SETD2: variants seen among roughly 807,000 people sequenced by gnomAD.
SETD2 encodes histone-lysine N-methyltransferase SETD2.
SETD2 carries 31 observed loss-of-function variants against 242.1 expected under a neutral mutation model. The observed-to-expected ratio is 0.13, with a 90% confidence interval of 0.10 to 0.17. The LOEUF (loss-of-function observed/expected upper bound fraction) is 0.17. SETD2 is among the 10% of genes least tolerant of loss of function. The pLI, the probability that SETD2 is intolerant of heterozygous loss-of-function variation, is 1.00. For missense variants in SETD2, 2,481 were observed against 3,046.3 expected, an observed-to-expected ratio of 0.81 and a Z score of 4.37; for synonymous variants, 1,006 against 1,066.5, an observed-to-expected ratio of 0.94 and a Z score of 1.11.
chr3:47,029,765 C>T (rs561467161), intron 18 of SETD2, among the ~76,000 whole-genome samples: 10 of 152,182 alleles, frequency 6.6e-5, no homozygotes, highest in Non-Finnish European at 5.9e-5. Context: ...AGTTAGTTTG[C>T]TTAACTGCCA....
At chr3:47,151,732 CAGG>C (rs1192156909) in intron 1 of SETD2, among the ~76,000 whole-genome samples, 2 of 149,886 alleles carry the variant, frequency 1.3e-5, no homozygotes, top group African/African-American at 2.5e-5. Flanking sequence ...GAGGCTGAGG[CAGG>C]AGAATTACTT....
chr3:47,140,001 T>C (rs1157986571), intron 1 of SETD2, among the ~76,000 whole-genome samples: 2 of 152,170 alleles, frequency 1.3e-5, no homozygotes, highest in African/African-American at 2.4e-5. Flanking sequence ...AATAACTTGA[T>C]CATACTCACC....
chr3:47,099,696 A>G (rs1268751956), intron 8 of SETD2, among the ~76,000 whole-genome samples: 1 of 151,972 alleles, frequency 6.6e-6, no homozygotes, highest in Non-Finnish European at 1.5e-5. Flanking sequence ...TGCAGCCTCA[A>G]TGTCCTAGGC....
chr3:47,065,978 C>T (rs572973205), intron 13 of SETD2, among the ~76,000 whole-genome samples: 58 of 152,258 alleles, frequency 3.8e-4, no homozygotes, highest in African/African-American at 1.3e-3. Flanking sequence ...TAAATACAGT[C>T]AACCCTTGAA....
chr3:47,119,131 A>C (rs938737274), intron 3 of SETD2, among the ~76,000 whole-genome samples: 1 of 152,172 alleles, frequency 6.6e-6, no homozygotes, highest in Non-Finnish European at 1.5e-5. Flanking sequence ...AAAACTTCCA[A>C]AAAAGGAGAG....
At chr3:47,069,343 C>T (rs1350612754) in intron 12 of SETD2, among the ~76,000 whole-genome samples, 2 of 152,174 alleles carry the variant, frequency 1.3e-5, no homozygotes, top group African/African-American at 4.8e-5. Context: ...CATCCTCCAT[C>T]CCCTTAACCT....
rs527826724 is a variant in SETD2, at chr3:47,038,390, G to T, written c.7239-613C>A. Among the ~76,000 whole-genome samples, 74 of 152,254 alleles carry T rather than the reference G, an allele frequency of 4.9e-4. 1 individual carries two copies. The highest frequency in any genetic ancestry group is 2.3e-3 in the South Asian group (11 of 4,826). On this transcript the variant is annotated intron_variant, in intron 17 of 20. Transcript: ENST00000409792. ...GCACTTTGGGAGGCTGAGGCAGGTG[G>T]ATCACCTGAGGTCAGGAGTTCGAGA... is the stretch of plus-strand genomic sequence containing the variant.
At chr3:47,034,668 AAAAAC>A (rs1186404414) in intron 18 of SETD2, among the ~76,000 whole-genome samples, 1 of 152,194 alleles carries the variant, frequency 6.6e-6, no homozygotes, top group Non-Finnish European at 1.5e-5. Context: ...CCCTGCCTCT[AAAAAC>A]AAAGCAAAGC....
chr3:47,088,285 C>T (rs766392820), intron 9 of SETD2, 38 bp from the exon 10 acceptor site: 7 of 1,548,902 alleles, frequency 4.5e-6, no homozygotes, highest in Non-Finnish European at 4.3e-6. Flanking sequence ...TATAAAACAA[C>T]AACAACAAAA....
In SETD2 at chr3:47,086,178, G is replaced by A. The variant is rs747737801; in HGVS notation, c.5397+17C>T. On this transcript the variant is annotated intron_variant, in intron 11 of 20. Transcript: ENST00000409792. ...TATAACAGTTTTAAGAAACAAGCAA[G>A]CTAAATGTGAACTGACCTCTTCCTG... 6 of 1,610,862 alleles carry A rather than the reference G, an allele frequency of 3.7e-6. No individual in the cohort carries two copies. In the East Asian group the frequency reaches 1.3e-4, roughly 36 times the overall value.
intron 17 of SETD2, among the ~76,000 whole-genome samples, chr3:47,039,531 G>A (rs947693560): frequency 2.7e-5 from 4 of 150,704 alleles, no homozygotes; most frequent in African/African-American, 9.7e-5. Context: ...TTTTATTTTT[G>A]GAAGATTGAT....
chr3:47,090,155 G>A (rs2041736328), intron 9 of SETD2, among the ~76,000 whole-genome samples: 1 of 152,060 alleles, frequency 6.6e-6, no homozygotes, highest in South Asian at 2.1e-4. Context: ...GCTGAGGCAG[G>A]AGAATAGCTT....
intron 4 of SETD2, among the ~76,000 whole-genome samples, chr3:47,114,812 G>A (rs2042791936): frequency 6.7e-6 from 1 of 148,738 alleles, no homozygotes; most frequent in South Asian, 2.2e-4. Flanking sequence ...CCAGGAGGCA[G>A]AGGTTGTAGT....
intron 8 of SETD2, chr3:47,098,450 TAGAACAAACAA>T (rs2042088754): frequency 6.0e-6 from 1 of 167,690 alleles, no homozygotes; most frequent in Non-Finnish European, 1.3e-5. Context: ...AATTGGCACA[TAGAACAAACAA>T]ACATGCATTA....
intron 9 of SETD2, among the ~76,000 whole-genome samples, chr3:47,092,903 A>T (rs2041861287): frequency 6.6e-6 from 1 of 152,064 alleles, no homozygotes; most frequent in African/African-American, 2.4e-5. Flanking sequence ...AACCCTTCCT[A>T]TGCTTTGGAG....
intron 1 of SETD2, among the ~76,000 whole-genome samples, chr3:47,130,281 T>A (rs991028817): frequency 6.6e-6 from 1 of 151,782 alleles, no homozygotes; most frequent in South Asian, 2.1e-4. Context: ...CTCAATAGGG[T>A]AGGGACAAGA....
At chr3:47,132,731 C>T (rs2043507633) in intron 1 of SETD2, among the ~76,000 whole-genome samples, 2 of 152,128 alleles carry the variant, frequency 1.3e-5, no homozygotes. Flanking sequence ...TTCAAAAATT[C>T]ACTCCTACCT....
Position 47,050,723 on chromosome 3 carries a change from C to CTTTTTTTTTTTTTTTTTT in SETD2, c.6964-4120_6964-4103dup, listed in dbSNP as rs775259096. 2.8e-4 allele frequency among the ~76,000 whole-genome samples: 19 copies of CTTTTTTTTTTTTTTTTTT among 66,880 alleles called. 4 individuals are homozygous for CTTTTTTTTTTTTTTTTTT. Among genetic ancestry groups the CTTTTTTTTTTTTTTTTTT allele is most frequent in the Admixed American group, 9.6e-4 (4 of 4,148 alleles). The allele number at this position is 66,880 out of a possible 152,430, so 43.9% of individuals were successfully genotyped here. A position where few individuals can be genotyped will look rare whatever the true frequency, so the allele number is the denominator to read the frequency against. On this transcript the variant is annotated intron_variant, in intron 15 of 20. Coordinates refer to ENST00000409792, the MANE Select transcript of SETD2 (RefSeq NM_014159.7). ...CTCAACCTGTATACATTTCCTCTCT[C>CTTTTTTTTTTTTTTTTTT]TTTTTTTTTTTTTTTTTTTTTTTTT...
Position 47,121,388 on chromosome 3 carries a change from G to A in SETD2, c.3248C>T (p.Thr1083Ile), listed in dbSNP as rs2106648461. Residue 1083 changes from threonine to isoleucine, a missense_variant, in exon 3 of 21, where the codon ACA (threonine) becomes ATA (isoleucine). Thr to Ile is a moderately conservative substitution (Grantham distance 89, BLOSUM62 -1). This residue lies in a region of SETD2 where 1,300 missense variants were observed against 1,259.2 expected (regional missense o/e 1.03). Transcript: ENST00000409792. Reference sequence around the variant, plus strand: ...ACTGCTCCGAGAAGAACAAGGACTTGTTTCTTCCATGGGCAAAGTAGAATT... The same window carrying A: ...ACTGCTCCGAGAAGAACAAGGACTTATTTCTTCCATGGGCAAAGTAGAATT... ...PKNSTLPMEE[T>I]SPCSSRSSQS... is the part of the protein sequence containing the mutation. The A allele has an allele frequency of 6.2e-7, 1 of 1,609,902 alleles. No individual in the cohort carries two copies. The highest frequency in any genetic ancestry group is 1.6e-4 in the Middle Eastern group (1 of 6,062).
Sources: allele counts gnomAD v4.1 joint callset (sites outside exome capture counted in the v4.1 genomes callset), GRCh38; gene constraint gnomAD v4.1.1; regional missense constraint gnomAD v4.1.1; transcripts MANE v1.5; gene names NCBI Gene and HGNC (gene_info 2026-07-23, HGNC 2026-07-21).